Variants in MIS18A observed in about 807,000 individuals in gnomAD.
MIS18A encodes MIS18 kinetochore protein A, also known as protein Mis18-alpha.
Under a neutral mutation model 25.0 loss-of-function variants are expected in MIS18A, and 14 were observed. That is an observed-to-expected ratio of 0.56 (90% CI 0.37 to 0.88). The LOEUF (loss-of-function observed/expected upper bound fraction) is 0.88. Ranked by LOEUF, MIS18A falls within the 40% of genes least tolerant of loss-of-function variation. MIS18A has a pLI of 0.00. For missense variants in MIS18A, 292 were observed against 290.8 expected (o/e 1.00, Z -0.03); for synonymous variants, 134 against 118.6 (o/e 1.13, Z -0.84).
chr21:32,170,889 T>C, the MIS18A span, among the ~76,000 whole-genome samples: 1 of 152,110 alleles, frequency 6.6e-6, no homozygotes, highest in East Asian at 1.9e-4. Context: ...GGGAAACATA[T>C]GATCATCTCA....
the MIS18A span, among the ~76,000 whole-genome samples, chr21:32,193,518 AGATGGATAGATC>A: frequency 5.2e-5 from 5 of 96,816 alleles, no homozygotes; most frequent in African/African-American, 1.8e-4. Flanking sequence ...ATAGATAGAT[AGATGGATAGATC>A]GATCGATCTA....
chr21:32,177,103 T>C, the MIS18A span, among the ~76,000 whole-genome samples: 3 of 152,068 alleles, frequency 2.0e-5, no homozygotes, highest in Admixed American at 6.6e-5. Context: ...AAAAGGAGAA[T>C]CCTTCGTGAT....
At chr21:32,173,356 T>C in the MIS18A span, among the ~76,000 whole-genome samples, 1 of 152,202 alleles carries the variant, frequency 6.6e-6, no homozygotes, top group African/African-American at 2.4e-5. Flanking sequence ...GATTATAAAA[T>C]GGTGCAGTAA....
At chr21:32,271,598 C>T (rs1003947721) in intron 2 of MIS18A, among the ~76,000 whole-genome samples, 2 of 152,140 alleles carry the variant, frequency 1.3e-5, no homozygotes, top group African/African-American at 2.4e-5. Context: ...TGTCTACGGG[C>T]TTTTATAAGC....
In MIS18A at chr21:32,278,746, C is replaced by CGCCGGCA; in HGVS notation, c.262_268dup (p.Arg90LeufsTer29). ...CCAGCTCAGCGAGTCGCCCAGCGGCCGCCGGCAGCCGGAGCACAGGAACAC... is the reference window on the plus strand; with the variant it reads ...CCAGCTCAGCGAGTCGCCCAGCGGCCGCCGGCAGCCGGCAGCCGGAGCACAGGAACAC... On this transcript the variant is annotated frameshift_variant, in exon 1 of 5. Coordinates refer to ENST00000290130, the MANE Select transcript of MIS18A (RefSeq NM_018944.3). LOFTEE classifies it high-confidence loss of function. 1 of 1,577,206 alleles carries CGCCGGCA rather than the reference C, an allele frequency of 6.3e-7. No individual in the cohort carries two copies. The highest frequency in any genetic ancestry group is 8.6e-7 in the Non-Finnish European group (1 of 1,167,810).
the MIS18A span, among the ~76,000 whole-genome samples, chr21:32,234,155 C>T: frequency 6.6e-6 from 1 of 152,184 alleles, no homozygotes; most frequent in African/African-American, 2.4e-5. Context: ...GGAAATAGTA[C>T]AGGGACTCTT....
the MIS18A span, among the ~76,000 whole-genome samples, chr21:32,178,728 G>A: frequency 6.6e-6 from 1 of 152,136 alleles, no homozygotes; most frequent in African/African-American, 2.4e-5. Context: ...AGCTTGTTGA[G>A]TCTATTAATT....
At chr21:32,265,429 C>G (rs1183273172), downstream of MIS18A, among the ~76,000 whole-genome samples, 1 of 152,230 alleles carries the variant, frequency 6.6e-6, no homozygotes, top group African/African-American at 2.4e-5. Context: ...CTTGGAGCAG[C>G]CAGCCAGCCC....
chr21:32,236,532 G>GC, the MIS18A span, among the ~76,000 whole-genome samples: 2 of 152,124 alleles, frequency 1.3e-5, no homozygotes, highest in Non-Finnish European at 2.9e-5. Context: ...TAGTATGGCA[G>GC]CTCAATGGCA....
the MIS18A span, among the ~76,000 whole-genome samples, chr21:32,210,863 A>G: frequency 6.6e-6 from 1 of 152,104 alleles, no homozygotes; most frequent in South Asian, 2.1e-4. Context: ...TGACCAAACC[A>G]TGAGTGTGGG....
chr21:32,231,635 T>G, the MIS18A span, among the ~76,000 whole-genome samples: 2 of 152,194 alleles, frequency 1.3e-5, no homozygotes, highest in Admixed American at 6.5e-5. Flanking sequence ...TAGCAATGCC[T>G]CAAAGTGTTA....
the MIS18A span, among the ~76,000 whole-genome samples, chr21:32,215,444 TC>T: frequency 6.6e-6 from 1 of 152,128 alleles, no homozygotes; most frequent in African/African-American, 2.4e-5. Context: ...AAGGCTGATT[TC>T]CCAGAAAACA....
the MIS18A span, among the ~76,000 whole-genome samples, chr21:32,184,899 C>T: frequency 6.6e-6 from 1 of 152,130 alleles, no homozygotes; most frequent in Non-Finnish European, 1.5e-5. Flanking sequence ...GCCACCGCAG[C>T]CAACTCCCTA....
the MIS18A span, among the ~76,000 whole-genome samples, chr21:32,223,559 C>A: frequency 7.2e-5 from 11 of 152,276 alleles, no homozygotes; most frequent in East Asian, 2.1e-3. Flanking sequence ...GGCACATACA[C>A]CCTCCCAAGA....
At chr21:32,223,612 A>T in the MIS18A span, among the ~76,000 whole-genome samples, 1 of 152,126 alleles carries the variant, frequency 6.6e-6, no homozygotes, top group Admixed American at 6.6e-5. Context: ...ACCAATAACA[A>T]CTTCTGAAAT....
the MIS18A span, among the ~76,000 whole-genome samples, chr21:32,206,167 C>T: frequency 6.6e-6 from 1 of 152,172 alleles, no homozygotes; most frequent in Admixed American, 6.5e-5. Flanking sequence ...GTGATTCAGG[C>T]ACCACCTAAT....
At chr21:32,161,471 T>C in the MIS18A span, among the ~76,000 whole-genome samples, 1 of 143,672 alleles carries the variant, frequency 7.0e-6, no homozygotes, top group Non-Finnish European at 1.5e-5. Flanking sequence ...ATTTGGAAGC[T>C]TGTTTTTTGT....
At chr21:32,217,892 G>C in the MIS18A span, among the ~76,000 whole-genome samples, 1 of 151,962 alleles carries the variant, frequency 6.6e-6, no homozygotes, top group Non-Finnish European at 1.5e-5. Flanking sequence ...GTGAAATTAA[G>C]ACATCAAGAT....
the MIS18A span, among the ~76,000 whole-genome samples, chr21:32,156,748 A>C: frequency 6.6e-6 from 1 of 152,092 alleles, no homozygotes; most frequent in Non-Finnish European, 1.5e-5. Flanking sequence ...GAGATCTATG[A>C]GGGATATCAG....
Sources: gnomAD v4.1 joint callset for allele counts (sites outside exome capture counted in the v4.1 genomes callset) on GRCh38, gnomAD v4.1.1 for gene constraint, MANE v1.5 for transcripts, NCBI Gene and HGNC (gene_info 2026-07-23, HGNC 2026-07-21) for gene names.